FILIP1L: variants seen among roughly 807,000 people sequenced by gnomAD.
The protein encoded by FILIP1L is filamin A-interacting protein 1-like.
Under a neutral mutation model 96.6 loss-of-function variants are expected in FILIP1L, and 55 were observed. That is an observed-to-expected ratio of 0.57 (90% CI 0.46 to 0.71). The LOEUF is 0.71. FILIP1L is among the 30% of genes least tolerant of loss of function. The pLI is 0.00. For synonymous variants in FILIP1L, 467 were observed against 473.9 expected (o/e 0.99, Z 0.19); for missense variants, 1,304 against 1,321.2 (o/e 0.99, Z 0.20).
At chr3:100,095,755 G>A (rs1459304535) in intron 1 of FILIP1L, among the ~76,000 whole-genome samples, 1 of 152,098 alleles carries the variant, frequency 6.6e-6, no homozygotes, top group Non-Finnish European at 1.5e-5. Flanking sequence ...GGCAACCAAA[G>A]CAAAAATGGA....
Position 100,030,727 on chromosome 3 carries a change from T to G in FILIP1L, c.-11+83326A>C, listed in dbSNP as rs140567700. Among the ~76,000 whole-genome samples the G allele has an allele frequency of 3.0e-3, 458 of 152,234 alleles. 2 individuals carry two copies. The highest frequency in any genetic ancestry group is 0.01 in the African/African-American group (423 of 41,532). On this transcript the variant is annotated intron_variant, in intron 1 of 5. Coordinates refer to ENST00000477258, the MANE Select transcript of FILIP1L (RefSeq NM_001387850.1). ...TTTTCCTCTACCATATAAACACAAA[T>G]CAGCTATATAGTTAGCAAAAGGGAG...
At chr3:99,911,781 G>A (rs1219918852) in intron 4 of FILIP1L, among the ~76,000 whole-genome samples, 2 of 151,900 alleles carry the variant, frequency 1.3e-5, no homozygotes, top group Admixed American at 1.3e-4. Flanking sequence ...TTCTACTTAT[G>A]TTTCCACCTG....
intron 1 of FILIP1L, among the ~76,000 whole-genome samples, chr3:100,074,675 ATTTTTTTTTTTTTTTTTTTT>A (rs555819875): frequency 2.9e-4 from 10 of 34,782 alleles, no homozygotes; most frequent in South Asian, 3.3e-3. Context: ...GCAACATTTG[ATTTTTTTTTTTTTTTTTTTT>A]TTTTTTTTTT....
At chr3:99,969,334 AT>A (rs1708747419) in intron 1 of FILIP1L, among the ~76,000 whole-genome samples, 1 of 152,234 alleles carries the variant, frequency 6.6e-6, no homozygotes, top group African/African-American at 2.4e-5. Context: ...GTTTGGTAAC[AT>A]TGCTTAGTAA....
At chr3:99,979,630 T>C (rs1346914337) in intron 1 of FILIP1L, among the ~76,000 whole-genome samples, 1 of 152,238 alleles carries the variant, frequency 6.6e-6, no homozygotes, top group African/African-American at 2.4e-5. Flanking sequence ...AGACCTGTTA[T>C]TACATGAGTG....
chr3:99,888,320 C>T (rs1194059367), intron 4 of FILIP1L, among the ~76,000 whole-genome samples: 1 of 151,894 alleles, frequency 6.6e-6, no homozygotes, highest in Non-Finnish European at 1.5e-5. Context: ...GAGCCATGAT[C>T]ATGCCACTGC....
intron 1 of FILIP1L, among the ~76,000 whole-genome samples, chr3:99,950,403 A>G (rs1482945093): frequency 6.6e-6 from 1 of 152,168 alleles, no homozygotes; most frequent in East Asian, 1.9e-4. Context: ...AACTTAGAAA[A>G]GTTAAGTAAG....
At chr3:99,864,779 G>T (rs1017293809) in intron 4 of FILIP1L, among the ~76,000 whole-genome samples, 6 of 151,952 alleles carry the variant, frequency 3.9e-5, no homozygotes, top group African/African-American at 1.2e-4. Flanking sequence ...TGTGCTCGCT[G>T]TCTCCCCAGG....
At chr3:99,995,995 G>A (rs534336247) in intron 1 of FILIP1L, among the ~76,000 whole-genome samples, 7 of 152,260 alleles carry the variant, frequency 4.6e-5, no homozygotes, top group East Asian at 1.9e-4. Context: ...ATTAACATTC[G>A]GCTCCTTGTT....
chr3:99,848,404 C>A lies in FILIP1L; in HGVS notation c.3272G>T (p.Arg1091Leu), dbSNP rs377075355. 1.9e-6 allele frequency: 3 copies of A among 1,614,110 alleles called. No individual in the cohort carries two copies. The highest frequency in any genetic ancestry group is 2.5e-6 in the Non-Finnish European group (3 of 1,180,002). The change falls in exon 5 of 6, where the codon CGA becomes CTA. Residue 1091 changes from arginine (R) to leucine (L), a missense_variant. By Grantham distance (102) the Arg-to-Leu change is moderately radical. Transcript: ENST00000477258. The stretch of plus-strand genomic sequence containing the variant: ...TGCCCCGTTAATTAAGCCTTGAGTT[C>A]GGTTATCCTGCAGTGGTGCTGAAGG... ...ASPSAPLQDN[R>L]TQGLINGALN... is the part of the protein sequence containing the mutation.
chr3:99,958,836 T>G (rs933962436), intron 1 of FILIP1L, among the ~76,000 whole-genome samples: 1 of 152,246 alleles, frequency 6.6e-6, no homozygotes, highest in Middle Eastern at 3.4e-3. Context: ...GAACTGGAGA[T>G]AGCTGTACTA....
intron 4 of FILIP1L, among the ~76,000 whole-genome samples, chr3:99,878,849 G>GA (rs1318180881): frequency 6.6e-6 from 1 of 152,216 alleles, no homozygotes; most frequent in Non-Finnish European, 1.5e-5. Context: ...CACATAAGTA[G>GA]ATGAGTAGAC....
intron 2 of FILIP1L, 132 bp downstream of exon 2, chr3:99,930,637 T>C: frequency 3.3e-6 from 3 of 920,364 alleles, no homozygotes; most frequent in Non-Finnish European, 4.9e-6. Context: ...TCTTTGTATA[T>C]ATACTTATGC....
intron 1 of FILIP1L, among the ~76,000 whole-genome samples, chr3:100,071,228 G>A (rs2065758384): frequency 6.6e-6 from 1 of 150,738 alleles, no homozygotes; most frequent in African/African-American, 2.4e-5. Flanking sequence ...ATTTTATCCT[G>A]ATTTTCTCTT....
chr3:99,893,576 A>T (rs913252916), intron 4 of FILIP1L, among the ~76,000 whole-genome samples: 1 of 152,154 alleles, frequency 6.6e-6, no homozygotes, highest in Admixed American at 6.5e-5. Flanking sequence ...TTTTTAAGGT[A>T]TGAGGTTTTA....
At chr3:99,857,637 C>A (rs1185425734) in intron 4 of FILIP1L, among the ~76,000 whole-genome samples, 6 of 152,182 alleles carry the variant, frequency 3.9e-5, no homozygotes, top group Admixed American at 2.0e-4. Flanking sequence ...GATTGTTTTG[C>A]AGTTTTTCAG....
chr3:99,851,028 C>T lies in FILIP1L; in HGVS notation c.648G>A (p.Glu216=). ...CCCTTTTCTCCTTTTCTTGCTCCTT[C>T]TCCTCCTGAGACTTGATTTCTTGAT... ...LIDQEIKSQE[E]KEQEKEKRVT... The change falls in exon 5 of 6, where the codon GAG becomes GAA. Residue 216 remains glutamate (E), a synonymous_variant. Coordinates refer to ENST00000477258, the MANE Select transcript of FILIP1L (RefSeq NM_001387850.1). 1 of 1,609,168 alleles carries T rather than the reference C, an allele frequency of 6.2e-7. No individual in the cohort carries two copies. Among genetic ancestry groups the T allele is most frequent in the Non-Finnish European group, 8.5e-7 (1 of 1,179,188 alleles).
intron 1 of FILIP1L, among the ~76,000 whole-genome samples, chr3:100,084,114 G>A (rs958847626): frequency 2.6e-5 from 4 of 151,892 alleles, no homozygotes; most frequent in Non-Finnish European, 2.9e-5. Context: ...ATAAAGCCTC[G>A]GGCCATGAGA....
intron 1 of FILIP1L, among the ~76,000 whole-genome samples, chr3:100,078,786 G>A (rs2065889279): frequency 6.6e-6 from 1 of 152,104 alleles, no homozygotes; most frequent in African/African-American, 2.4e-5. Flanking sequence ...AGCTACTCGG[G>A]AGGCTAAGGC....
Sources: allele counts gnomAD v4.1 joint callset (sites outside exome capture counted in the v4.1 genomes callset), GRCh38; gene constraint gnomAD v4.1.1; transcripts MANE v1.5; gene names NCBI Gene and HGNC (gene_info 2026-07-23, HGNC 2026-07-21).